Variants in GCC2 observed in about 807,000 individuals in gnomAD.
GCC2 encodes GRIP and coiled-coil domain-containing protein 2.
In GCC2, 120 loss-of-function variants were observed where a neutral mutation model predicts 210.6. The observed-to-expected ratio is 0.57, with a 90% CI of 0.49 to 0.66. The LOEUF (loss-of-function observed/expected upper bound fraction) is 0.66. GCC2 is among the 30% of genes least tolerant of loss of function. GCC2 has a pLI of 0.00. For missense variants in GCC2, 1,868 were observed against 1,871.9 expected, an observed-to-expected ratio of 1.00 and a Z score of 0.04; for synonymous variants, 703 against 652.7, an observed-to-expected ratio of 1.08 and a Z score of -1.17.
rs773406502 is a variant in GCC2 at position 108,470,817 on chromosome 2, A to C, written c.1488A>C (p.Glu496Asp). Residue 496 changes from glutamate (E) to aspartate (D), a missense_variant, in exon 6 of 23, where the codon GAA (glutamate) becomes GAC (aspartate). Coordinates refer to ENST00000309863, the MANE Select transcript of GCC2 (RefSeq NM_181453.4). Reference sequence around the variant, plus strand: ...AAATTTTACAAACAGAACTGGGGGAATCTGCTGGAAAAATAAGTCAAGAGT... The same window carrying C: ...AAATTTTACAAACAGAACTGGGGGACTCTGCTGGAAAAATAAGTCAAGAGT... ...IMEILQTELGESAGKISQEFE... is the reference protein window; with the variant it reads ...IMEILQTELGDSAGKISQEFE... The C allele has an allele frequency of 3.7e-6, 6 of 1,613,676 alleles. 1 individual carries two copies. The Admixed American group carries it at 6.7e-5, about 18-fold the overall frequency.
In GCC2 at chr2:108,470,282, T is replaced by A. The variant is rs202061636; in HGVS notation, c.953T>A (p.Ile318Asn). 1.9e-6 allele frequency: 3 copies of A among 1,613,340 alleles called. No individual in the cohort carries two copies. Among genetic ancestry groups the A allele is most frequent in the Non-Finnish European group, 2.5e-6 (3 of 1,179,720 alleles). Residue 318 changes from isoleucine to asparagine, a missense_variant, in exon 6 of 23, where the codon ATT becomes AAT. Around this residue, in one of 3 missense-constraint regions of GCC2, gnomAD observed 1,847 missense variants for 1,765.2 expected, o/e 1.05. Transcript: ENST00000309863. ...AACCAAGACAATCAGATATGTTCTA[T>A]TCTCTTGCAAGAAAATACATTTGTA... ...NANQDNQICS[I>N]LLQENTFVEQ...
chr2:108,458,374 CTTTT>C (rs70956257), intron 4 of GCC2, among the ~76,000 whole-genome samples: 1 of 100,312 alleles, frequency 1.0e-5, no homozygotes, highest in African/African-American at 3.9e-5. Flanking sequence ...TTGTTGCTTT[CTTTT>C]TTTTTTTTTT....
chr2:108,457,546 G>A (rs1056679711), intron 4 of GCC2, among the ~76,000 whole-genome samples: 8 of 151,870 alleles, frequency 5.3e-5, no homozygotes, highest in African/African-American at 1.7e-4. Context: ...ATTTTAATAG[G>A]GATTTCATTG....
rs367637048 is a variant in GCC2 at position 108,492,560 on chromosome 2, T to G, written c.4230-13T>G. 4.0e-5 allele frequency: 62 copies of G among 1,554,210 alleles called. No individual in the cohort carries two copies. The highest frequency in any genetic ancestry group is 5.2e-5 in the Non-Finnish European group (59 of 1,125,710). On this transcript the variant is annotated splice_polypyrimidine_tract_variant and intron_variant, in intron 18 of 22. Transcript: ENST00000309863. ...TTGAAAGATCTTCTGTAACTAAGTT[T>G]CTCATCTTTCAGATTGTGTTCAATA...
At chr2:108,455,251 C>T (rs1420480480) in intron 4 of GCC2, among the ~76,000 whole-genome samples, 1 of 152,060 alleles carries the variant, frequency 6.6e-6, no homozygotes, top group South Asian at 2.1e-4. Context: ...ACCAGCCTGG[C>T]CAACTTGGTG....
Position 108,481,360 on chromosome 2 carries a change from A to C in GCC2, c.3061-337A>C, listed in dbSNP as rs1681839735. Among the ~76,000 whole-genome samples, 3 of 152,128 alleles carry C rather than the reference A, an allele frequency of 2.0e-5. No individual in the cohort carries two copies. The South Asian group carries it at 6.2e-4, about 32-fold the overall frequency. On this transcript the variant is annotated intron_variant, in intron 9 of 22. Transcript: ENST00000309863. ...TTAAACTTTTTATCCTCTGTCCTTA[A>C]ATTGTGTTTATTAAACGTTGTATCT...
At chr2:108,472,780 C>G in intron 6 of GCC2, 47 bp from the exon 7 acceptor site, 7 of 1,074,672 alleles carry the variant, frequency 6.5e-6, no homozygotes, top group Non-Finnish European at 9.8e-6. Flanking sequence ...AATTCTGATT[C>G]TGGTTTTTGT....
intron 4 of GCC2, 99 bp downstream of exon 4, chr2:108,452,565 CCT>C (rs1558725211): frequency 4.0e-6 from 3 of 747,496 alleles, no homozygotes; most frequent in Admixed American, 4.5e-5. Flanking sequence ...TGTTCTACTT[CCT>C]CTCTGCCTTG....
intron 20 of GCC2, 39 bp from the exon 21 acceptor site, chr2:108,496,931 A>G: frequency 1.9e-6 from 3 of 1,610,826 alleles, no homozygotes. Context: ...TCTTTAATGT[A>G]TGATTTTGAA....
chr2:108,479,065 G>A (rs1044247376), intron 9 of GCC2, among the ~76,000 whole-genome samples: 1 of 152,050 alleles, frequency 6.6e-6, no homozygotes, highest in Non-Finnish European at 1.5e-5. Context: ...CGTGGTGGCT[G>A]AGGTAGGAGA....
In GCC2 at chr2:108,482,441, A is replaced by C; in HGVS notation, c.3335A>C (p.Gln1112Pro). 6.5e-7 allele frequency: 1 copy of C among 1,533,378 alleles called. No homozygotes were observed. The highest frequency in any genetic ancestry group is 9.0e-7 in the Non-Finnish European group (1 of 1,112,392). The allele number at this position is 1,533,378 out of a possible 1,614,324, so 95.0% of individuals were successfully genotyped here. Residue 1112 changes from glutamine to proline, a missense_variant, in exon 11 of 23, where the codon CAG becomes CCG. Physicochemically the swap from Gln to Pro is moderately conservative, Grantham distance 76. Around this residue, in one of 3 missense-constraint regions of GCC2, gnomAD observed 1,847 missense variants for 1,765.2 expected, o/e 1.05. Transcript: ENST00000309863. ...GAAGCTGAAAAACTTCAGAAAGAAC[A>C]GAAGATAAAGGTAAAAACAATCCTA... ...ELEAEKLQKE[Q>P]KIKEHATTVN... is the part of the protein sequence containing the mutation.
intron 6 of GCC2, 134 bp downstream of exon 6, chr2:108,472,250 A>G (rs571704016): frequency 2.0e-6 from 1 of 512,386 alleles, no homozygotes; most frequent in Admixed American, 3.8e-5. Context: ...ACTTTCTGAA[A>G]AGTGCATTAG....
intron 2 of GCC2, among the ~76,000 whole-genome samples, chr2:108,450,773 T>C (rs1276389148): frequency 6.6e-6 from 1 of 152,042 alleles, no homozygotes; most frequent in Non-Finnish European, 1.5e-5. Context: ...TCCCAGCTAT[T>C]TGGGAGGCTG....
At chr2:108,453,440 T>C (rs1680068024) in intron 4 of GCC2, among the ~76,000 whole-genome samples, 1 of 152,220 alleles carries the variant, frequency 6.6e-6, no homozygotes, top group Non-Finnish European at 1.5e-5. Flanking sequence ...CTTTTTAGTC[T>C]TATATAATAC....
In GCC2 at chr2:108,485,668, G is replaced by GA. The variant is rs760884932; in HGVS notation, c.3653dup (p.Asn1218LysfsTer24). On this transcript the variant is annotated frameshift_variant, in exon 14 of 23. Transcript: ENST00000309863. LOFTEE classifies it high-confidence loss of function. ...ACAGTCTTCAGTACAACAATATGAAGAAAAAAACACCAAAATCAAGCAATT... is the reference window on the plus strand; with the variant it reads ...ACAGTCTTCAGTACAACAATATGAAGAAAAAAAACACCAAAATCAAGCAATT... 4 of 1,591,392 alleles carry GA rather than the reference G, an allele frequency of 2.5e-6. No homozygotes were observed. Among genetic ancestry groups the GA allele is most frequent in the African/African-American group, 2.7e-5 (2 of 73,660 alleles).
At chr2:108,465,385 A>G (rs1680826697) in intron 4 of GCC2, among the ~76,000 whole-genome samples, 1 of 152,174 alleles carries the variant, frequency 6.6e-6, no homozygotes, top group Non-Finnish European at 1.5e-5. Context: ...TTGGGGTACA[A>G]GAGGTTTTTT....
chr2:108,453,645 C>T (rs116096146), intron 4 of GCC2, among the ~76,000 whole-genome samples: 3,754 of 152,070 alleles, frequency 0.025, 67 homozygotes, highest in Non-Finnish European at 0.037. Flanking sequence ...TTTAGCTGGG[C>T]GTGATTGCCC....
At chr2:108,501,404 A>G (rs1682921042) in intron 22 of GCC2, among the ~76,000 whole-genome samples, 1 of 152,142 alleles carries the variant, frequency 6.6e-6, no homozygotes, top group African/African-American at 2.4e-5. Context: ...TAATCATTAC[A>G]GGGTAACACT....
rs374197919 is a variant in GCC2, at chr2:108,452,479, T to C, written c.216+13T>C. ...TGATATTATTAAGGTAATTATTACG[T>C]TGGGAAATGTCTAAAGAGAAATAAA... On this transcript the variant is annotated intron_variant, in intron 4 of 22. Transcript: ENST00000309863. The C allele has an allele frequency of 1.4e-5, 20 of 1,431,534 alleles. No individual in the cohort carries two copies. Among genetic ancestry groups the C allele is most frequent in the African/African-American group, 2.8e-5 (2 of 70,866 alleles). 88.7% of individuals were successfully genotyped at this position (1,431,534 alleles called of 1,614,324 possible).
Sources: allele counts gnomAD v4.1 joint callset (sites outside exome capture counted in the v4.1 genomes callset), GRCh38; gene constraint gnomAD v4.1.1; regional missense constraint gnomAD v4.1.1; transcripts MANE v1.5; gene names NCBI Gene and HGNC (gene_info 2026-07-23, HGNC 2026-07-21).